Variants in PRKCQ observed in about 807,000 individuals in gnomAD.
PRKCQ encodes the protein protein kinase C theta.
PRKCQ carries 41 observed loss-of-function variants against 91.2 expected under a neutral mutation model. The observed-to-expected ratio is 0.45, with a 90% CI of 0.35 to 0.58. The LOEUF (loss-of-function observed/expected upper bound fraction) is 0.58, where lower values mean the gene tolerates loss of function less well. PRKCQ is among the 20% of genes least tolerant of loss of function. The pLI is 0.00. For synonymous variants in PRKCQ, 307 were observed against 316.9 expected (o/e 0.97, Z 0.33); for missense variants, 673 against 896.5 (o/e 0.75, Z 3.18).
intron 7 of PRKCQ, among the ~76,000 whole-genome samples, chr10:6,493,273 A>T (rs981214096): frequency 5.6e-5 from 8 of 142,610 alleles, no homozygotes; most frequent in African/African-American, 2.2e-4. Flanking sequence ...AGACTTTTGT[A>T]TAAAATTACT....
At chr10:6,501,487 G>T (rs939086418) in intron 4 of PRKCQ, among the ~76,000 whole-genome samples, 3 of 151,848 alleles carry the variant, frequency 2.0e-5, no homozygotes, top group Admixed American at 6.6e-5. Flanking sequence ...AGGAGAAGGC[G>T]GGAGGAAGCA....
downstream of PRKCQ, among the ~76,000 whole-genome samples, chr10:6,423,921 C>T (rs1490180392): frequency 2.0e-5 from 3 of 152,140 alleles, no homozygotes; most frequent in Non-Finnish European, 2.9e-5. Context: ...ATTGTAGAGA[C>T]GTGCTCACCC....
chr10:6,446,054 C>T (rs879486801), intron 15 of PRKCQ, among the ~76,000 whole-genome samples: 9 of 152,154 alleles, frequency 5.9e-5, no homozygotes, highest in South Asian at 2.1e-4. Context: ...AGAAGTAAAA[C>T]GCAAACTCAC....
intron 1 of PRKCQ, among the ~76,000 whole-genome samples, chr10:6,549,662 G>T (rs1257924732): frequency 1.6e-5 from 2 of 122,936 alleles, no homozygotes; most frequent in South Asian, 2.5e-4. Flanking sequence ...GTCTCACTCT[G>T]TCTGCCAGGC....
At chr10:6,432,597 C>T (rs1326533664) in intron 16 of PRKCQ, among the ~76,000 whole-genome samples, 3 of 152,110 alleles carry the variant, frequency 2.0e-5, no homozygotes, top group East Asian at 1.9e-4. Flanking sequence ...GACAGCTATC[C>T]GAGAGACTGA....
chr10:6,500,797 C>A (rs574011063), intron 4 of PRKCQ, among the ~76,000 whole-genome samples: 1 of 152,104 alleles, frequency 6.6e-6, no homozygotes, highest in Non-Finnish European at 1.5e-5. Flanking sequence ...GTTTCCTGAG[C>A]AGCTGTGAGT....
intron 1 of PRKCQ, among the ~76,000 whole-genome samples, chr10:6,557,993 T>C (rs1333396429): frequency 2.0e-5 from 3 of 152,246 alleles, no homozygotes; most frequent in Non-Finnish European, 4.4e-5. Flanking sequence ...CATTTTCTCT[T>C]AATAATTTCA....
rs913483219 is a variant in PRKCQ at position 6,483,535 on chromosome 10, G to A, written c.1084C>T (p.Pro362Ser). 11 of 1,614,156 alleles carry A rather than the reference G, an allele frequency of 6.8e-6. No individual in the cohort carries two copies. Among genetic ancestry groups the A allele is most frequent in the South Asian group, 2.2e-5 (2 of 91,082 alleles). ...EVDKMCHLPE[P>S]ELNKERPSLQ... The stretch of plus-strand genomic sequence containing the variant: ...GATGGTCTTTCTTTGTTCAGTTCAG[G>A]TTCTGGAAGATGGCACATTTTATCC... The change falls in exon 11 of 18, where the codon CCT becomes TCT. Residue 362 changes from proline to serine, a missense_variant. Coordinates refer to ENST00000263125, the MANE Select transcript of PRKCQ (RefSeq NM_006257.5).
intron 4 of PRKCQ, among the ~76,000 whole-genome samples, chr10:6,506,143 T>A (rs1838194384): frequency 6.6e-6 from 1 of 152,238 alleles, no homozygotes; most frequent in South Asian, 2.1e-4. Context: ...GTACTGTATA[T>A]CTACACCTTC....
At chr10:6,504,465 C>A (rs535467998) in intron 4 of PRKCQ, among the ~76,000 whole-genome samples, 1 of 152,330 alleles carries the variant, frequency 6.6e-6, no homozygotes, top group South Asian at 2.1e-4. Flanking sequence ...CTTGCTCAAG[C>A]CTTCACTTTT....
chr10:6,532,555 C>CTGT (rs1480805618), intron 1 of PRKCQ, among the ~76,000 whole-genome samples: 1 of 152,196 alleles, frequency 6.6e-6, no homozygotes, highest in Non-Finnish European at 1.5e-5. Context: ...CTTCAGTCTA[C>CTGT]AGTCATCCCA....
In PRKCQ at chr10:6,498,551, C is replaced by T; in HGVS notation, c.387G>A (p.Lys129=). ...CTTCCGTCTCAAATTCATTCATGTC[C>T]TTTGTGTCTACAGGAAGAGAGAGGG... ...ARYFLEMSDT[K]DMNEFETEGF... The change falls in exon 5 of 18, where the codon AAG becomes AAA. Residue 129 remains lysine (K), a synonymous_variant. Coordinates refer to ENST00000263125, the MANE Select transcript of PRKCQ (RefSeq NM_006257.5). 2 of 1,613,960 alleles carry T rather than the reference C, an allele frequency of 1.2e-6. No homozygotes were observed. The highest frequency in any genetic ancestry group is 1.7e-6 in the Non-Finnish European group (2 of 1,179,950).
intron 2 of PRKCQ, chr10:6,512,070 A>G (rs913883006): frequency 4.6e-5 from 7 of 152,244 alleles, no homozygotes; most frequent in Non-Finnish European, 8.8e-5. Context: ...AAACATAGTC[A>G]ATACAAAACT....
intron 1 of PRKCQ, among the ~76,000 whole-genome samples, chr10:6,542,248 G>A (rs2130918228): frequency 6.6e-6 from 1 of 152,274 alleles, no homozygotes; most frequent in South Asian, 2.1e-4. Context: ...TCTATTTTCA[G>A]CCCAACAACC....
At chr10:6,410,976 CAAAA>C in the PRKCQ span, among the ~76,000 whole-genome samples, 2 of 87,548 alleles carry the variant, frequency 2.3e-5, no homozygotes, top group Non-Finnish European at 2.1e-5. Flanking sequence ...GATTCCGTTT[CAAAA>C]AAAAAAAAAA....
intron 12 of PRKCQ, among the ~76,000 whole-genome samples, chr10:6,471,568 C>G (rs937883385): frequency 6.6e-6 from 1 of 151,426 alleles, no homozygotes; most frequent in South Asian, 2.1e-4. Flanking sequence ...CATGGTGAAA[C>G]CCCATCTCTA....
At chr10:6,418,945 A>G in the PRKCQ span, among the ~76,000 whole-genome samples, 3 of 150,754 alleles carry the variant, frequency 2.0e-5, no homozygotes, top group Non-Finnish European at 4.4e-5. Flanking sequence ...CTCTATATCT[A>G]TCTTATCTAA....
chr10:6,483,558 T>C lies in PRKCQ; in HGVS notation c.1061A>G (p.Asp354Gly). 1 of 1,614,248 alleles carries C rather than the reference T, an allele frequency of 6.2e-7. No individual in the cohort carries two copies. Among genetic ancestry groups the C allele is most frequent in the South Asian group, 1.1e-5 (1 of 91,092 alleles). The change falls in exon 11 of 18, where the codon GAT becomes GGT. Residue 354 changes from aspartate to glycine, a missense_variant. Coordinates refer to ENST00000263125, the MANE Select transcript of PRKCQ (RefSeq NM_006257.5). ...ISWESPLDEV[D>G]KMCHLPEPEL... is the part of the protein sequence containing the mutation. ...AGGTTCTGGAAGATGGCACATTTTA[T>C]CCACCTCATCCAACGGAGACTCCCA...
downstream of PRKCQ, among the ~76,000 whole-genome samples, chr10:6,425,512 G>A (rs1156734277): frequency 6.6e-6 from 1 of 151,772 alleles, no homozygotes; most frequent in East Asian, 1.9e-4. Context: ...GTGAACCACC[G>A]CACCTGGCCA....
Sources: gnomAD v4.1 joint callset for allele counts (sites outside exome capture counted in the v4.1 genomes callset) on GRCh38, gnomAD v4.1.1 for gene constraint, MANE v1.5 for transcripts, NCBI Gene and HGNC (gene_info 2026-07-23, HGNC 2026-07-21) for gene names.